CEP164: variants seen among roughly 807,000 people sequenced by gnomAD.
CEP164 encodes centrosomal protein 164.
CEP164 carries 162 observed loss-of-function variants against 182.7 expected under a neutral mutation model. The ratio of observed to expected loss-of-function variants is 0.89; its 90% CI spans 0.78 to 1.01. The LOEUF (loss-of-function observed/expected upper bound fraction) is 1.01, where lower values mean the gene tolerates loss of function less well. Among genes scored for constraint, CEP164 ranks in the 50% least tolerant of loss-of-function variants. CEP164 has a pLI of 0.00. For synonymous variants in CEP164, 661 were observed against 690.0 expected (o/e 0.96, Z 0.66); for missense variants, 1,735 against 1,790.4 (o/e 0.97, Z 0.56).
intron 17 of CEP164, among the ~76,000 whole-genome samples, chr11:117,391,556 C>T (rs1242367037): frequency 3.3e-5 from 5 of 151,966 alleles, no homozygotes; most frequent in Admixed American, 6.5e-5. Flanking sequence ...TGAGAAAGTT[C>T]GTGACTGAAA....
At chr11:117,379,852 C>CTTTTTT (rs58534321) in intron 11 of CEP164, among the ~76,000 whole-genome samples, 2 of 116,912 alleles carry the variant, frequency 1.7e-5, no homozygotes, top group African/African-American at 3.2e-5. Context: ...ATAGTTCTTC[C>CTTTTTT]TTTTTTTTTT....
intron 27 of CEP164, among the ~76,000 whole-genome samples, chr11:117,397,631 G>T (rs188275186): frequency 4.3e-4 from 66 of 152,296 alleles, no homozygotes; most frequent in African/African-American, 1.6e-3. Context: ...ATCATGGCAG[G>T]AGGCGAAAGG....
chr11:117,401,655 C>T (rs2046150069), intron 27 of CEP164, among the ~76,000 whole-genome samples: 1 of 152,108 alleles, frequency 6.6e-6, no homozygotes, highest in African/African-American at 2.4e-5. Context: ...AATTTCAGAA[C>T]TTGTTATTGG....
chr11:117,397,477 C>CAA (rs1184717048), intron 27 of CEP164, among the ~76,000 whole-genome samples, 164 bp downstream of exon 27: 2 of 152,216 alleles, frequency 1.3e-5, no homozygotes, highest in Non-Finnish European at 2.9e-5. Flanking sequence ...GCATAGTATG[C>CAA]AAACACCTTT....
At chr11:117,368,673 C>T (rs2041905057) in intron 8 of CEP164, among the ~76,000 whole-genome samples, 1 of 152,198 alleles carries the variant, frequency 6.6e-6, no homozygotes, top group African/African-American at 2.4e-5. Context: ...GCAACTCCCA[C>T]CTCCTTCTTG....
At position 117,362,467 on chromosome 11, in the gene CEP164, A is replaced by T. The variant is rs756488458; in HGVS notation, c.616A>T (p.Lys206Ter). The T allele has an allele frequency of 6.2e-7, 1 of 1,613,910 alleles. No individual in the cohort carries two copies. The highest frequency in any genetic ancestry group is 8.5e-7 in the Non-Finnish European group (1 of 1,179,976). The change falls in exon 7 of 33, where the codon AAG becomes TAG. Residue 206 changes from lysine (K) to a stop codon, truncating the protein, a stop_gained. Transcript: ENST00000278935. LOFTEE classifies it high-confidence loss of function. ...TCTCTTGGGCTCCATATATGAGGAC[A>T]AGACTGCTCTCAGCCTCTTGGGTTT... ...KGLLGSIYED[K>*]TALSLLGLGE...
chr11:117,382,619 T>C (rs531176444), intron 13 of CEP164, 177 bp from the exon 14 acceptor site: 2 of 678,204 alleles, frequency 2.9e-6, no homozygotes, highest in Non-Finnish European at 5.0e-6. Context: ...TAGTCTTTGA[T>C]GCAAATAATT....
chr11:117,398,809 A>T (rs2045817505), intron 27 of CEP164, among the ~76,000 whole-genome samples: 1 of 151,986 alleles, frequency 6.6e-6, no homozygotes, highest in African/African-American at 2.4e-5. Context: ...GGCCCACGAA[A>T]CCATTTTTTC....
chr11:117,327,459 CTTTTT>C (rs760601571), upstream of CEP164, among the ~76,000 whole-genome samples: 238 of 122,616 alleles, frequency 1.9e-3, no homozygotes, highest in African/African-American at 6.2e-3. Flanking sequence ...TCGGGGTCCT[CTTTTT>C]TTTTTTTTTT....
At chr11:117,353,240 G>T (rs1010302143) in intron 5 of CEP164, among the ~76,000 whole-genome samples, 1 of 152,162 alleles carries the variant, frequency 6.6e-6, no homozygotes, top group Non-Finnish European at 1.5e-5. Flanking sequence ...CCAGAGCCTT[G>T]TGCTTCCTCT....
chr11:117,407,736 A>C (rs2046876815), intron 27 of CEP164, among the ~76,000 whole-genome samples, 189 bp from the exon 28 acceptor site: 1 of 152,174 alleles, frequency 6.6e-6, no homozygotes. Flanking sequence ...GGTGTTAAGC[A>C]TGTAACATAG....
chr11:117,382,161 CTT>C (rs2043389709), intron 13 of CEP164, among the ~76,000 whole-genome samples: 1 of 152,134 alleles, frequency 6.6e-6, no homozygotes, highest in Non-Finnish European at 1.5e-5. Context: ...GGAGGTGTCT[CTT>C]TTGTCACAGC....
Position 117,396,097 on chromosome 11 carries a change from G to A in CEP164, c.3133G>A (p.Glu1045Lys). 1 of 1,610,770 alleles carries A rather than the reference G, an allele frequency of 6.2e-7. No individual in the cohort carries two copies. Among genetic ancestry groups the A allele is most frequent in the African/African-American group, 1.3e-5 (1 of 74,922 alleles). ...EAQKKQHLLR[E>K]VTVEENNASP... Reference sequence around the variant, plus strand: ...TCAAAAGAAGCAGCACCTGTTGAGAGAAGTGACAGTTGAGGAAAATAATGC... The same window carrying A: ...TCAAAAGAAGCAGCACCTGTTGAGAAAAGTGACAGTTGAGGAAAATAATGC... The change falls in exon 25 of 33, where the codon GAA (glutamate) becomes AAA (lysine). Residue 1045 changes from glutamate (E) to lysine (K), a missense_variant. By Grantham distance (56) the Glu-to-Lys change is moderately conservative. Transcript: ENST00000278935.
rs1039992418 is a variant in CEP164, at chr11:117,351,865, A to G, written c.270A>G (p.Glu90=). Residue 90 remains glutamate (E), a synonymous_variant, in exon 5 of 33, where the codon GAA becomes GAG. Coordinates refer to ENST00000278935, the MANE Select transcript of CEP164 (RefSeq NM_014956.5). The part of the protein sequence containing the change: ...GQSMWDHPCD[E]HYRSLVIQER... The stretch of plus-strand genomic sequence containing the variant: ...CTATGTGGGACCATCCATGTGACGA[A>G]CACTATCGGAGCTTGGTGATCCAAG... The G allele has an allele frequency of 8.1e-6, 13 of 1,613,728 alleles. No individual in the cohort carries two copies. The highest frequency in any genetic ancestry group is 1.1e-5 in the Non-Finnish European group (13 of 1,179,962).
At chr11:117,342,221 T>C (rs748653111) in intron 3 of CEP164, among the ~76,000 whole-genome samples, 5 of 152,214 alleles carry the variant, frequency 3.3e-5, no homozygotes, top group African/African-American at 4.8e-5. Context: ...TCAAAAATAT[T>C]TGTGAAAAAT....
chr11:117,345,396 C>T (rs1207694168), intron 4 of CEP164, among the ~76,000 whole-genome samples: 1 of 152,202 alleles, frequency 6.6e-6, no homozygotes, highest in East Asian at 1.9e-4. Flanking sequence ...TTCCTAATCA[C>T]ATGCATAGAG....
At position 117,409,630 on chromosome 11, in the gene CEP164, C is replaced by G. The variant is rs760270400; in HGVS notation, c.3761C>G (p.Pro1254Arg). The G allele has an allele frequency of 1.2e-6, 2 of 1,607,944 alleles. No homozygotes were observed. The highest frequency in any genetic ancestry group is 1.7e-5 in the Admixed American group (1 of 59,892). ...TCTTTTCTTTCAGTCGACTCAACCC[C>G]GAGTCTCACCTCCCGCAAGATCCAC... ...WWRQQRIDST[P>R]SLTSRKIHGL... The change falls in exon 30 of 33, where the codon CCG becomes CGG. Residue 1254 changes from proline to arginine, a missense_variant. By Grantham distance (103) the Pro-to-Arg change is moderately radical. Coordinates refer to ENST00000278935, the MANE Select transcript of CEP164 (RefSeq NM_014956.5). The surrounding 1 kb of genome is among the most constrained non-coding windows in gnomAD (Gnocchi z 4.4).
At chr11:117,322,124 A>G (rs778463246) in intron 1 of CEP164, among the ~76,000 whole-genome samples, 3 of 151,884 alleles carry the variant, frequency 2.0e-5, no homozygotes, top group Non-Finnish European at 4.4e-5. Flanking sequence ...TTATTTATTT[A>G]TTTATTTTTG....
At position 117,394,241 on chromosome 11, in the gene CEP164, T is replaced by G; in HGVS notation, c.2617-109T>G. On this transcript the variant is annotated intron_variant, in intron 20 of 32. Coordinates refer to ENST00000278935, the MANE Select transcript of CEP164 (RefSeq NM_014956.5). This position sits in a 1 kb window ranked among gnomAD's most constrained non-coding sequence, Gnocchi z 4.0. ...CCAAGAGCTGGCTTTAGGGAGCCGATGGTGTCCCTGATCTTACTGATGCAA... is the reference window on the plus strand; with the variant it reads ...CCAAGAGCTGGCTTTAGGGAGCCGAGGGTGTCCCTGATCTTACTGATGCAA... 1.4e-6 allele frequency: 2 copies of G among 1,409,246 alleles called. No homozygotes were observed. The highest frequency in any genetic ancestry group is 1.9e-6 in the Non-Finnish European group (2 of 1,037,688). The allele number at this position is 1,409,246 out of a possible 1,614,324, so 87.3% of individuals were successfully genotyped here. A position where few individuals can be genotyped will look rare whatever the true frequency, so the allele number is the denominator to read the frequency against.
Sources: gnomAD v4.1 joint callset for allele counts (sites outside exome capture counted in the v4.1 genomes callset) on GRCh38, gnomAD v4.1.1 for gene constraint, Gnocchi (gnomAD v3.1) non-coding constraint, MANE v1.5 for transcripts, NCBI Gene and HGNC (gene_info 2026-07-23, HGNC 2026-07-21) for gene names.